Variants in GTPBP10 observed in about 807,000 individuals in gnomAD.
GTPBP10 encodes the protein GTP binding protein 10.
In GTPBP10, 38 loss-of-function variants were observed where a neutral mutation model predicts 44.8. The ratio of observed to expected loss-of-function variants is 0.85; its 90% confidence interval spans 0.65 to 1.11. GTPBP10 has a LOEUF of 1.11. GTPBP10 is among the 50% of genes most tolerant of loss of function. The pLI is 0.00. For synonymous variants in GTPBP10, 152 were observed against 150.6 expected, an observed-to-expected ratio of 1.01 and a Z score of -0.07; for missense variants, 462 against 453.7, an observed-to-expected ratio of 1.02 and a Z score of -0.17.
At chr7:90,352,656 C>T (rs531886220) in intron 1 of GTPBP10, among the ~76,000 whole-genome samples, 160 bp from the exon 2 acceptor site, 26 of 152,030 alleles carry the variant, frequency 1.7e-4, no homozygotes, top group Non-Finnish European at 3.4e-4. Flanking sequence ...GGGGTCAGAT[C>T]GGAGATGTGG....
At chr7:90,364,841 C>G (rs1231664008) in intron 4 of GTPBP10, among the ~76,000 whole-genome samples, 2 of 152,148 alleles carry the variant, frequency 1.3e-5, no homozygotes, top group Non-Finnish European at 2.9e-5. Context: ...ACCCCTCCCC[C>G]GCCAGCCTCA....
In GTPBP10 at chr7:90,372,178, C is replaced by T. The variant is rs750758757; in HGVS notation, c.488C>T (p.Ser163Phe). ...AGATTCCCAAATGCTGGAAAATCCT[C>T]TTTGCTAAGTTGTGTTTCTCATGCA... is the stretch of plus-strand genomic sequence containing the variant. Reference protein sequence around the residue: ...LVGFPNAGKSSLLSCVSHAKP... With the variant: ...LVGFPNAGKSFLLSCVSHAKP... Residue 163 changes from serine (S) to phenylalanine (F), a missense_variant, in exon 5 of 10, where the codon TCT becomes TTT. By Grantham distance (155) the Ser-to-Phe change is radical. Transcript: ENST00000222511. 11 of 1,605,808 alleles carry T rather than the reference C, an allele frequency of 6.9e-6. No homozygotes were observed. The highest frequency in any genetic ancestry group is 1.3e-5 in the African/African-American group (1 of 74,934).
intron 4 of GTPBP10, among the ~76,000 whole-genome samples, chr7:90,367,609 C>T (rs539945355): frequency 2.4e-4 from 36 of 152,126 alleles, no homozygotes; most frequent in Non-Finnish European, 4.9e-4. Flanking sequence ...CAACCCCTGC[C>T]TTTTTTTGTT....
intron 5 of GTPBP10, 40 bp downstream of exon 5, chr7:90,372,268 A>G (rs1796271343): frequency 1.6e-6 from 2 of 1,247,302 alleles, no homozygotes; most frequent in Admixed American, 1.9e-5. Context: ...GAGTGGAGGT[A>G]AACTTTTAAA....
intron 8 of GTPBP10, among the ~76,000 whole-genome samples, chr7:90,382,666 T>G (rs1008333098): frequency 6.6e-6 from 1 of 152,230 alleles, no homozygotes; most frequent in Non-Finnish European, 1.5e-5. Flanking sequence ...TAACATTCAG[T>G]GATCATTACT....
intron 1 of GTPBP10, 23 bp from the exon 2 acceptor site, chr7:90,352,793 A>C: frequency 6.5e-7 from 1 of 1,549,566 alleles, no homozygotes; most frequent in Non-Finnish European, 8.8e-7. Flanking sequence ...GTATACAAAT[A>C]TTCTTTCTCT....
chr7:90,363,205 A>G (rs1796062590), intron 4 of GTPBP10, among the ~76,000 whole-genome samples: 1 of 152,080 alleles, frequency 6.6e-6, no homozygotes, highest in African/African-American at 2.4e-5. Flanking sequence ...TTTGCTCGTT[A>G]GTTGATGCGG....
intron 1 of GTPBP10, chr7:90,347,502 A>G (rs1335187248): frequency 4.4e-6 from 2 of 458,768 alleles, no homozygotes; most frequent in Non-Finnish European, 5.7e-6. Flanking sequence ...AACTTTCTTG[A>G]AAAAAAAATC....
intron 1 of GTPBP10, among the ~76,000 whole-genome samples, chr7:90,348,073 G>GGTGGT: frequency 6.6e-6 from 1 of 152,120 alleles, no homozygotes. Context: ...AAACAGTCGG[G>GGTGGT]GTGGTGTGGT....
intron 4 of GTPBP10, among the ~76,000 whole-genome samples, chr7:90,364,136 A>C (rs530193755): frequency 6.6e-6 from 1 of 152,134 alleles, no homozygotes; most frequent in Non-Finnish European, 1.5e-5. Flanking sequence ...CTCTCAACTC[A>C]TCAAAGTCAT....
At chr7:90,377,068 T>A (rs1796354632) in intron 6 of GTPBP10, among the ~76,000 whole-genome samples, 1 of 152,090 alleles carries the variant, frequency 6.6e-6, no homozygotes, top group South Asian at 2.1e-4. Flanking sequence ...TACTAAAATT[T>A]TTTTAGTTAA....
At chr7:90,366,721 A>C (rs1407541579) in intron 4 of GTPBP10, among the ~76,000 whole-genome samples, 1 of 91,502 alleles carries the variant, frequency 1.1e-5, no homozygotes, top group East Asian at 2.5e-4. Context: ...GATTCTTTCA[A>C]AAAAAAAAAA....
At chr7:90,373,576 AGAAG>A (rs1318173523) in intron 5 of GTPBP10, among the ~76,000 whole-genome samples, 1 of 152,228 alleles carries the variant, frequency 6.6e-6, no homozygotes, top group Non-Finnish European at 1.5e-5. Flanking sequence ...GTAGGACTTG[AGAAG>A]GAAGAGCAAA....
chr7:90,350,385 T>C (rs558497003), intron 1 of GTPBP10, among the ~76,000 whole-genome samples: 1 of 152,380 alleles, frequency 6.6e-6, no homozygotes, highest in Admixed American at 6.5e-5. Flanking sequence ...GTCTTTATAG[T>C]GGCATGATTT....
chr7:90,378,131 T>G lies in GTPBP10; in HGVS notation c.700-3T>G. On this transcript the variant is annotated splice_polypyrimidine_tract_variant and splice_region_variant and intron_variant, in intron 7 of 9. Coordinates refer to ENST00000222511, the MANE Select transcript of GTPBP10 (RefSeq NM_033107.4). ...GCTGTCTCTTTCCTTCTCTTTTTTT[T>G]AGGTTGATATTTCTGGATTTCAGCT... 1.2e-6 allele frequency: 2 copies of G among 1,609,938 alleles called. No individual in the cohort carries two copies.
chr7:90,381,478 T>G (rs961651945), intron 8 of GTPBP10, among the ~76,000 whole-genome samples: 11 of 152,202 alleles, frequency 7.2e-5, no homozygotes, highest in Non-Finnish European at 5.9e-5. Context: ...AAATCAGGTT[T>G]ATATTACCCA....
In GTPBP10 at chr7:90,377,621, C is replaced by A; in HGVS notation, c.699+7C>A. 1.3e-6 allele frequency: 2 copies of A among 1,498,816 alleles called. No individual in the cohort carries two copies. Among genetic ancestry groups the A allele is most frequent in the South Asian group, 2.4e-5 (2 of 85,050 alleles). The allele number at this position is 1,498,816 out of a possible 1,614,324, so 92.8% of individuals were successfully genotyped here. ...TAGACAACTACTTTTTGTTGTAAGT[C>A]ATATGTATACTAATGTGATATTCAA... On this transcript the variant is annotated splice_region_variant and intron_variant, in intron 7 of 9. Coordinates refer to ENST00000222511, the MANE Select transcript of GTPBP10 (RefSeq NM_033107.4).
intron 4 of GTPBP10, among the ~76,000 whole-genome samples, chr7:90,365,797 C>T (rs1390583697): frequency 6.6e-6 from 1 of 152,208 alleles, no homozygotes; most frequent in East Asian, 1.9e-4. Flanking sequence ...ACTTCCAACA[C>T]TGTGTTGAAT....
In GTPBP10 at chr7:90,380,357, C is replaced by A. The variant is rs192719023; in HGVS notation, c.777+2146C>A. On this transcript the variant is annotated intron_variant, in intron 8 of 9. Coordinates refer to ENST00000222511, the MANE Select transcript of GTPBP10 (RefSeq NM_033107.4). ...CTTCCCAGAGTGCTGGGATTACAGACGTGAGCCACCATGCCCAGCTGGAAA... is the reference window on the plus strand; with the variant it reads ...CTTCCCAGAGTGCTGGGATTACAGAAGTGAGCCACCATGCCCAGCTGGAAA... Among the ~76,000 whole-genome samples the A allele has an allele frequency of 1.1e-4, 16 of 152,260 alleles. No homozygotes were observed. The Middle Eastern group carries it at 0.01, about 97-fold the overall frequency.
Sources: allele counts gnomAD v4.1 joint callset (sites outside exome capture counted in the v4.1 genomes callset), GRCh38; gene constraint gnomAD v4.1.1; transcripts MANE v1.5; gene names NCBI Gene and HGNC (gene_info 2026-07-23, HGNC 2026-07-21).